Variants in ATOX1 observed in about 807,000 individuals in gnomAD.
The protein encoded by ATOX1 is copper transport protein ATOX1.
Under a neutral mutation model 7.3 loss-of-function variants are expected in ATOX1, and 4 were observed. The ratio of observed to expected loss-of-function variants is 0.55; its 90% CI spans 0.27 to 1.25. ATOX1 has a LOEUF of 1.25. Ranked by LOEUF, ATOX1 falls within the 50% of genes most tolerant of loss-of-function variation. The probability of loss-of-function intolerance (pLI) is 0.12; values close to 1 mark genes in which losing one functional copy is unlikely to be tolerated. For missense variants in ATOX1, 68 were observed against 81.6 expected (o/e 0.83, Z 0.64); for synonymous variants, 25 against 28.7 (o/e 0.87, Z 0.41).
At chr5:151,750,479 C>T (rs1370309825) in intron 2 of ATOX1, among the ~76,000 whole-genome samples, 1 of 132,938 alleles carries the variant, frequency 7.5e-6, no homozygotes, top group African/African-American at 2.9e-5. Context: ...GCACTCCAGC[C>T]TGGGCAACAA....
intron 2 of ATOX1, among the ~76,000 whole-genome samples, chr5:151,746,720 G>A (rs1761883708): frequency 6.6e-6 from 1 of 152,234 alleles, no homozygotes; most frequent in South Asian, 2.1e-4. Context: ...TTTGGCCCAT[G>A]TGCTGATCTC....
chr5:151,750,084 GAA>G (rs2113180291), intron 2 of ATOX1, among the ~76,000 whole-genome samples: 1 of 152,230 alleles, frequency 6.6e-6, no homozygotes, highest in South Asian at 2.1e-4. Context: ...GGAAGAAAAA[GAA>G]AAGAAAAAAT....
chr5:151,746,934 A>C (rs893916823), intron 2 of ATOX1, among the ~76,000 whole-genome samples: 1 of 151,874 alleles, frequency 6.6e-6, no homozygotes, highest in Non-Finnish European at 1.5e-5. Flanking sequence ...GGGTTTTGTC[A>C]TGTTGCCCAG....
rs577889984 is a variant in ATOX1 at position 151,752,375 on chromosome 5, G to A, written c.7-596C>T. ...TCCAGGGAAAGAAAGGATTGCCTGG[G>A]TTCCCCAGTGGGTTGGAGGCCAGGC... On this transcript the variant is annotated intron_variant, in intron 1 of 3. Coordinates refer to ENST00000313115, the MANE Select transcript of ATOX1 (RefSeq NM_004045.4). 84 of 697,940 alleles carry A rather than the reference G, an allele frequency of 1.2e-4. 1 individual carries two copies. The South Asian group carries it at 1.2e-3, about 10-fold the overall frequency. The allele number at this position is 697,940 out of a possible 1,614,324, so 43.2% of individuals were successfully genotyped here. A position where few individuals can be genotyped will look rare whatever the true frequency, so the allele number is the denominator to read the frequency against.
At chr5:151,757,103 T>C (rs557444664) in intron 1 of ATOX1, among the ~76,000 whole-genome samples, 1 of 152,310 alleles carries the variant, frequency 6.6e-6, no homozygotes, top group Admixed American at 6.5e-5. Context: ...AGTATGTGTA[T>C]ATAGATATAT....
At chr5:151,750,895 T>C (rs930911276) in intron 2 of ATOX1, among the ~76,000 whole-genome samples, 2 of 151,914 alleles carry the variant, frequency 1.3e-5, no homozygotes, top group African/African-American at 4.8e-5. Context: ...TCAGGCAATC[T>C]GCCCGCCTCA....
At chr5:151,758,252 C>A (rs552211640) in intron 1 of ATOX1, among the ~76,000 whole-genome samples, 1 of 152,256 alleles carries the variant, frequency 6.6e-6, no homozygotes, top group African/African-American at 2.4e-5. Context: ...CCCCCATCCC[C>A]TGCCCCCTCT....
chr5:151,757,289 T>C (rs1490552462), intron 1 of ATOX1, among the ~76,000 whole-genome samples: 3 of 152,158 alleles, frequency 2.0e-5, no homozygotes, highest in East Asian at 3.8e-4. Flanking sequence ...AAGCTAGCCT[T>C]TTCCTCATTG....
intron 2 of ATOX1, among the ~76,000 whole-genome samples, chr5:151,747,224 C>T (rs191865917): frequency 9.2e-5 from 14 of 152,164 alleles, no homozygotes; most frequent in East Asian, 1.9e-4. Context: ...TCCTCCAAAT[C>T]GCATCACACT....
At chr5:151,754,583 A>C (rs1038055830) in intron 1 of ATOX1, among the ~76,000 whole-genome samples, 2 of 152,114 alleles carry the variant, frequency 1.3e-5, no homozygotes, top group African/African-American at 4.8e-5. Context: ...TCATGGCTCC[A>C]TTTAATTTAA....
intron 1 of ATOX1, among the ~76,000 whole-genome samples, chr5:151,754,980 CAAAAAAAAAA>C (rs79359321): frequency 1.8e-3 from 86 of 48,882 alleles, no homozygotes; most frequent in African/African-American, 5.2e-3. Context: ...AGACACCGTC[CAAAAAAAAAA>C]AAAAAAAAAA....
intron 2 of ATOX1, among the ~76,000 whole-genome samples, chr5:151,750,644 CTTTTTTTTTT>C (rs34586233): frequency 2.0e-5 from 2 of 100,352 alleles, no homozygotes; most frequent in South Asian, 3.3e-4. Flanking sequence ...TTTTTTCTTT[CTTTTTTTTTT>C]TTTTTTTTTG....
At chr5:151,744,604 A>G (rs1761859516) in intron 3 of ATOX1, 1 of 152,178 alleles carries the variant, frequency 6.6e-6, no homozygotes, top group Non-Finnish European at 1.5e-5. Context: ...AGGGCTCCCC[A>G]TGTATATAGC....
chr5:151,750,509 C>CA (rs5872228), intron 2 of ATOX1, among the ~76,000 whole-genome samples: 60,574 of 101,988 alleles, frequency 0.59, 16,992 homozygotes, highest in East Asian at 0.7. Context: ...GACTTCATCT[C>CA]AAAAAAAAAA....
chr5:151,758,592 G>GTGGCGGCGGTA lies in ATOX1; in HGVS notation c.-42_-41insTACCGCCGCCA. 7.1e-7 allele frequency: 1 copy of GTGGCGGCGGTA among 1,408,014 alleles called. No homozygotes were observed. The allele number at this position is 1,408,014 out of a possible 1,614,324, so 87.2% of individuals were successfully genotyped here. On this transcript the variant is annotated 5_prime_UTR_variant, in exon 1 of 4. Transcript: ENST00000313115. ...GGTGTGGCGGCGGTGTGGCGGCGGT[G>GTGGCGGCGGTA]TCAGCAGCGCCTCTCTGGATTCGGA...
chr5:151,752,525 T>G, intron 1 of ATOX1: 1 of 604,058 alleles, frequency 1.7e-6, no homozygotes, highest in South Asian at 2.0e-5. Context: ...AGTTCACTAC[T>G]GGATTCCTAA....
chr5:151,748,636 T>G (rs563791288), intron 2 of ATOX1, among the ~76,000 whole-genome samples: 1 of 151,354 alleles, frequency 6.6e-6, no homozygotes, highest in Non-Finnish European at 1.5e-5. Flanking sequence ...CTGAGGCGAG[T>G]GGATCACTTG....
chr5:151,746,156 A>T (rs372102561), intron 3 of ATOX1, 123 bp downstream of exon 3: 2 of 795,256 alleles, frequency 2.5e-6, no homozygotes. Flanking sequence ...GAAGGTGGAC[A>T]GTGGATTGAA....
intron 2 of ATOX1, among the ~76,000 whole-genome samples, chr5:151,751,256 C>CAA (rs59348695): frequency 0.013 from 800 of 63,050 alleles, 17 homozygotes; most frequent in African/African-American, 0.043. Flanking sequence ...AACTCTGTCT[C>CAA]AAAAAAAAAA....
Sources: allele counts gnomAD v4.1 joint callset (sites outside exome capture counted in the v4.1 genomes callset), GRCh38; gene constraint gnomAD v4.1.1; transcripts MANE v1.5; gene names NCBI Gene and HGNC (gene_info 2026-07-23, HGNC 2026-07-21).